RIMS2: variants seen among roughly 807,000 people sequenced by gnomAD.
The protein encoded by RIMS2 is regulating synaptic membrane exocytosis 2.
A neutral mutation model predicts 174.4 loss-of-function variants in RIMS2; 59 were observed. That is an observed-to-expected ratio of 0.34 (90% CI 0.27 to 0.42). The LOEUF (loss-of-function observed/expected upper bound fraction) is 0.42, where lower values mean the gene tolerates loss of function less well. Ranked by LOEUF, RIMS2 falls within the 10% of genes least tolerant of loss-of-function variation. The pLI, the probability that RIMS2 is intolerant of heterozygous loss-of-function variation, is 1.00. For synonymous variants in RIMS2, 606 were observed against 572.5 expected (o/e 1.06, Z -0.84); for missense variants, 1,620 against 1,666.3 (o/e 0.97, Z 0.48).
intron 1 of RIMS2, among the ~76,000 whole-genome samples, chr8:103,576,924 T>C (rs575516295): frequency 6.6e-6 from 1 of 152,052 alleles, no homozygotes; most frequent in Non-Finnish European, 1.5e-5. Flanking sequence ...AAAAATTAAC[T>C]CAAGATGGAT....
chr8:103,582,127 C>T (rs1055280144), intron 1 of RIMS2, among the ~76,000 whole-genome samples: 8 of 152,112 alleles, frequency 5.3e-5, no homozygotes, highest in Admixed American at 2.6e-4. Context: ...GTCAGAGTTG[C>T]GAGGTCCCTG....
At chr8:103,703,649 T>G (rs2097192894) in intron 2 of RIMS2, among the ~76,000 whole-genome samples, 1 of 152,184 alleles carries the variant, frequency 6.6e-6, no homozygotes, top group Non-Finnish European at 1.5e-5. Flanking sequence ...TTCCTTTTTT[T>G]TGGTATTTAA....
chr8:103,743,369 A>G (rs1417848986), intron 2 of RIMS2, among the ~76,000 whole-genome samples: 1 of 152,202 alleles, frequency 6.6e-6, no homozygotes, highest in Non-Finnish European at 1.5e-5. Flanking sequence ...ATTGCCGGAT[A>G]AATTTGTTTA....
intron 3 of RIMS2, among the ~76,000 whole-genome samples, chr8:103,850,295 A>T (rs1481429505): frequency 6.6e-6 from 1 of 152,052 alleles, no homozygotes; most frequent in African/African-American, 2.4e-5. Context: ...ATACTATTAC[A>T]TTTGAAGAAA....
intron 1 of RIMS2, among the ~76,000 whole-genome samples, chr8:103,611,493 G>A (rs1229190790): frequency 2.6e-5 from 4 of 151,270 alleles, no homozygotes; most frequent in Admixed American, 2.6e-4. Flanking sequence ...GATAGGTCTA[G>A]TGTTGATGCA....
At chr8:103,753,154 A>C (rs1002309493) in intron 2 of RIMS2, among the ~76,000 whole-genome samples, 1 of 149,040 alleles carries the variant, frequency 6.7e-6, no homozygotes, top group Non-Finnish European at 1.5e-5. Flanking sequence ...AGGGTAGTTG[A>C]ATTTTGTCAA....
intron 1 of RIMS2, among the ~76,000 whole-genome samples, chr8:103,648,631 G>A (rs1307723682): frequency 1.3e-5 from 2 of 152,144 alleles, no homozygotes; most frequent in Non-Finnish European, 2.9e-5. Flanking sequence ...CCTGTATTAG[G>A]TGCATATATA....
intron 1 of RIMS2, among the ~76,000 whole-genome samples, chr8:103,591,906 A>T (rs1442869164): frequency 6.6e-6 from 1 of 151,216 alleles, no homozygotes; most frequent in Admixed American, 6.6e-5. Flanking sequence ...TATAAAGTTA[A>T]GAAAGAATCA....
intron 2 of RIMS2, among the ~76,000 whole-genome samples, chr8:103,747,981 T>G (rs559423383): frequency 2.6e-5 from 4 of 152,228 alleles, no homozygotes; most frequent in Admixed American, 2.6e-4. Context: ...ACATTTGGAG[T>G]AGGTCAGATG....
chr8:103,780,513 A>G (rs2098376866), intron 3 of RIMS2, among the ~76,000 whole-genome samples: 1 of 151,732 alleles, frequency 6.6e-6, no homozygotes, highest in South Asian at 2.1e-4. Flanking sequence ...TGCTTGATCC[A>G]TTCTGTTGTT....
chr8:104,013,422 C>A lies in RIMS2; in HGVS notation c.3045-20C>A. 13 of 1,610,470 alleles carry A rather than the reference C, an allele frequency of 8.1e-6. No individual in the cohort carries two copies. The highest frequency in any genetic ancestry group is 1.1e-5 in the Non-Finnish European group (13 of 1,177,450). On this transcript the variant is annotated intron_variant, in intron 17 of 23. Coordinates refer to ENST00000504942, the Ensembl canonical transcript of RIMS2. ...AGGGCACTAAAGATCAACTGAGCTG[C>A]TTTTTGACTAACGTTTCAGGGATTG...
intron 14 of RIMS2, among the ~76,000 whole-genome samples, chr8:103,956,690 G>T (rs536405236): frequency 6.6e-6 from 1 of 152,074 alleles, no homozygotes; most frequent in Admixed American, 6.6e-5. Flanking sequence ...CATTGGCATG[G>T]GCAAAGACTT....
chr8:103,867,527 C>A (rs1163517290), intron 3 of RIMS2, among the ~76,000 whole-genome samples: 1 of 151,650 alleles, frequency 6.6e-6, no homozygotes, highest in African/African-American at 2.4e-5. Flanking sequence ...TAAAAGAATG[C>A]AAGGAGTTAG....
intron 19 of RIMS2, among the ~76,000 whole-genome samples, chr8:104,057,063 C>CTTTTT (rs749665730): frequency 2.5e-4 from 34 of 135,392 alleles, no homozygotes; most frequent in Non-Finnish European, 4.5e-4. Context: ...TTTTCTTTTT[C>CTTTTT]TTTTTTTTTT....
chr8:103,589,141 T>C (rs960240470), intron 1 of RIMS2, among the ~76,000 whole-genome samples: 2 of 151,686 alleles, frequency 1.3e-5, no homozygotes, highest in African/African-American at 4.8e-5. Flanking sequence ...CATAATCTTA[T>C]ATTTGGAAAA....
At chr8:104,110,992 T>C (rs2098170926) in intron 19 of RIMS2, among the ~76,000 whole-genome samples, 1 of 152,150 alleles carries the variant, frequency 6.6e-6, no homozygotes, top group Non-Finnish European at 1.5e-5. Flanking sequence ...CTCTATTCTT[T>C]CAGTAAAATA....
chr8:103,721,392 T>C (rs2097446322), intron 2 of RIMS2, among the ~76,000 whole-genome samples: 1 of 152,206 alleles, frequency 6.6e-6, no homozygotes, highest in Non-Finnish European at 1.5e-5. Flanking sequence ...TAAAAATCCA[T>C]GCTGTGAAAA....
chr8:103,552,182 T>G (rs1408650644), intron 1 of RIMS2, among the ~76,000 whole-genome samples: 1 of 152,088 alleles, frequency 6.6e-6, no homozygotes, highest in Non-Finnish European at 1.5e-5. Flanking sequence ...GGAGGCATCA[T>G]GCTACCTGAC....
At chr8:103,582,778 ACAC>A (rs1021530064) in intron 1 of RIMS2, among the ~76,000 whole-genome samples, 1 of 152,136 alleles carries the variant, frequency 6.6e-6, no homozygotes, top group African/African-American at 2.4e-5. Context: ...ATAAAATAGA[ACAC>A]CAGGTAGACT....
Sources: gnomAD v4.1 joint callset for allele counts (sites outside exome capture counted in the v4.1 genomes callset) on GRCh38, gnomAD v4.1.1 for gene constraint, MANE v1.5 for transcripts, NCBI Gene and HGNC (gene_info 2026-07-23, HGNC 2026-07-21) for gene names.